GPHN: variants seen among roughly 807,000 people sequenced by gnomAD.
GPHN encodes the protein gephyrin.
In GPHN, 17 loss-of-function variants were observed where a neutral mutation model predicts 95.5. The ratio of observed to expected loss-of-function variants is 0.18; its 90% CI spans 0.12 to 0.27. The LOEUF is 0.27. Among genes scored for constraint, GPHN ranks in the 10% least tolerant of loss-of-function variants. The pLI is 1.00. For missense variants in GPHN, 660 were observed against 978.1 expected (o/e 0.67, Z 4.34); for synonymous variants, 320 against 322.5 (o/e 0.99, Z 0.08).
the GPHN span, among the ~76,000 whole-genome samples, chr14:67,327,494 T>A: frequency 5.3e-5 from 8 of 152,084 alleles, no homozygotes; most frequent in African/African-American, 1.7e-4. Flanking sequence ...TTTATTTTTT[T>A]ATTTTTTTAT....
chr14:67,155,397 A>C (rs1294246804), intron 18 of GPHN, among the ~76,000 whole-genome samples: 9 of 152,226 alleles, frequency 5.9e-5, no homozygotes, highest in Non-Finnish European at 5.9e-5. Context: ...AAGTTGCCAG[A>C]CATGCTAGAG....
At chr14:66,551,162 T>A (rs1594929054) in intron 1 of GPHN, 1 of 152,722 alleles carries the variant, frequency 6.5e-6, no homozygotes, top group East Asian at 1.9e-4. Context: ...CGGCCAGCAG[T>A]AAGGTATTTT....
chr14:67,678,389 G>A, the GPHN span: 3 of 1,613,748 alleles, frequency 1.9e-6, no homozygotes, highest in East Asian at 6.7e-5. Context: ...GTCTCATTAC[G>A]AGCTTGGGCA....
the GPHN span, chr14:67,572,224 C>T: frequency 4.2e-5 from 68 of 1,609,368 alleles, no homozygotes; most frequent in Admixed American, 5.0e-5. Context: ...AGAGCCTGAG[C>T]ACAAACTGCA....
chr14:67,455,814 TAGG>T, the GPHN span, among the ~76,000 whole-genome samples: 1 of 152,116 alleles, frequency 6.6e-6, no homozygotes. Flanking sequence ...TTTCCAGCAC[TAGG>T]AGGAGAAAGC....
In GPHN at chr14:66,545,331, G is replaced by A. The variant is rs1159001393; in HGVS notation, c.64+36740G>A. The stretch of plus-strand genomic sequence containing the variant: ...CCAGACGGGGCGGCTGGCCGGGCAG[G>A]GGGCTGACCCCCCCACCTCCCTCCC... On this transcript the variant is annotated intron_variant, in intron 1 of 22. Coordinates refer to ENST00000478722, the MANE Select transcript of GPHN (RefSeq NM_020806.5). 1.1e-3 allele frequency among the ~76,000 whole-genome samples: 145 copies of A among 126,526 alleles called. 1 individual carries two copies. The highest frequency in any genetic ancestry group is 1.8e-3 in the Non-Finnish European group (116 of 64,334). The allele number at this position is 126,526 out of a possible 152,430, so 83.0% of individuals were successfully genotyped here.
chr14:67,007,160 G>A (rs189346321), intron 9 of GPHN, among the ~76,000 whole-genome samples: 7 of 152,206 alleles, frequency 4.6e-5, no homozygotes, highest in Admixed American at 3.9e-4. Context: ...TAAACCAGAT[G>A]TTATTTTTCC....
the GPHN span, chr14:67,487,240 A>G: frequency 6.6e-6 from 1 of 152,164 alleles, no homozygotes; most frequent in Non-Finnish European, 1.5e-5. Context: ...AAACATTGCA[A>G]GGGCCTGGGC....
chr14:67,300,380 T>G, the GPHN span, among the ~76,000 whole-genome samples: 7 of 148,018 alleles, frequency 4.7e-5, no homozygotes, highest in African/African-American at 1.8e-4. Context: ...CAGGCTGGAA[T>G]GCAGTGGCGC....
chr14:67,195,302 C>T, the GPHN span, among the ~76,000 whole-genome samples: 1 of 152,152 alleles, frequency 6.6e-6, no homozygotes, highest in Non-Finnish European at 1.5e-5. Context: ...TTCCTTTTCT[C>T]TCATTTCCTC....
chr14:67,086,762 A>G (rs1487494566), intron 11 of GPHN, among the ~76,000 whole-genome samples: 2 of 149,740 alleles, frequency 1.3e-5, no homozygotes, highest in African/African-American at 4.9e-5. Context: ...TCTTCCGGCC[A>G]GGCGCGTGGC....
the GPHN span, among the ~76,000 whole-genome samples, chr14:67,341,496 C>T: frequency 4.0e-5 from 6 of 151,590 alleles, no homozygotes; most frequent in Non-Finnish European, 5.9e-5. Flanking sequence ...CCAGCCGCCC[C>T]GTCCGGGAGG....
intron 14 of GPHN, 41 bp from the exon 15 acceptor site, chr14:67,111,820 A>C: frequency 6.6e-7 from 1 of 1,508,058 alleles, no homozygotes; most frequent in Non-Finnish European, 9.2e-7. Context: ...TCTACTGCTC[A>C]GAAATTCTGT....
intron 8 of GPHN, among the ~76,000 whole-genome samples, chr14:66,945,134 G>C (rs986263057): frequency 6.6e-6 from 1 of 152,172 alleles, no homozygotes; most frequent in African/African-American, 2.4e-5. Context: ...GGATAATTTA[G>C]TTGCATGGAC....
intron 1 of GPHN, among the ~76,000 whole-genome samples, chr14:66,516,226 C>A (rs1409463854): frequency 6.6e-6 from 1 of 151,246 alleles, no homozygotes; most frequent in African/African-American, 2.4e-5. Context: ...CCATGTTGGC[C>A]AGGCTGGTTT....
At chr14:66,640,714 G>A (rs1480330680) in intron 1 of GPHN, among the ~76,000 whole-genome samples, 1 of 152,138 alleles carries the variant, frequency 6.6e-6, no homozygotes, top group Non-Finnish European at 1.5e-5. Context: ...AAACCTATGT[G>A]TTGAGGCTTT....
the GPHN span, among the ~76,000 whole-genome samples, chr14:67,430,202 C>G: frequency 2.0e-5 from 3 of 152,168 alleles, no homozygotes; most frequent in Non-Finnish European, 4.4e-5. Flanking sequence ...AACCACAGAG[C>G]TTGGATGACA....
intron 2 of GPHN, among the ~76,000 whole-genome samples, chr14:66,775,025 C>G (rs1417537636): frequency 6.7e-6 from 1 of 149,504 alleles, no homozygotes; most frequent in African/African-American, 2.5e-5. Flanking sequence ...TTTTTTTTTT[C>G]TTTCCAACTT....
chr14:66,545,799 A>T (rs1244390666), intron 1 of GPHN, among the ~76,000 whole-genome samples: 4 of 138,896 alleles, frequency 2.9e-5, no homozygotes, highest in African/African-American at 1.1e-4. Context: ...CTCACTTCCC[A>T]GTAGGGGCGG....
Sources: gnomAD v4.1 joint callset for allele counts (sites outside exome capture counted in the v4.1 genomes callset) on GRCh38, gnomAD v4.1.1 for gene constraint, MANE v1.5 for transcripts, NCBI Gene and HGNC (gene_info 2026-07-23, HGNC 2026-07-21) for gene names.